The following LIPC variants were observed in gnomAD, a reference collection of about 807,000 sequenced individuals.
LIPC encodes the protein lipase C, hepatic type, also known as hepatic triacylglycerol lipase.
LIPC carries 44 observed loss-of-function variants against 50.7 expected under a neutral mutation model. The ratio of observed to expected loss-of-function variants is 0.87; its 90% CI spans 0.68 to 1.11. The LOEUF is 1.11. Among genes scored for constraint, LIPC ranks in the 50% most tolerant of loss-of-function variants. The probability of loss-of-function intolerance (pLI) is 0.00; values close to 1 mark genes in which losing one functional copy is unlikely to be tolerated. For missense variants in LIPC, 697 were observed against 648.2 expected (o/e 1.08, Z -0.82); for synonymous variants, 271 against 256.4 (o/e 1.06, Z -0.54).
chr15:58,442,471 C>T (rs1331821772), intron 1 of LIPC, among the ~76,000 whole-genome samples: 2 of 152,176 alleles, frequency 1.3e-5, no homozygotes, highest in Non-Finnish European at 2.9e-5. Flanking sequence ...CAGGGCCTGA[C>T]ATGCAGCAGT....
chr15:58,456,499 G>A (rs1221162629), intron 1 of LIPC, among the ~76,000 whole-genome samples: 6 of 152,346 alleles, frequency 3.9e-5, no homozygotes, highest in African/African-American at 1.4e-4. Context: ...CATAGCTAAG[G>A]ACAGGGCACA....
chr15:58,465,221 A>G (rs1446883721), intron 1 of LIPC, among the ~76,000 whole-genome samples: 1 of 152,120 alleles, frequency 6.6e-6, no homozygotes, highest in Non-Finnish European at 1.5e-5. Flanking sequence ...TTCCAATCAG[A>G]ACAACTCATT....
intron 1 of LIPC, among the ~76,000 whole-genome samples, chr15:58,488,475 A>C (rs570006988): frequency 6.6e-6 from 1 of 152,268 alleles, no homozygotes; most frequent in Admixed American, 6.5e-5. Flanking sequence ...TCTCAGGCCT[A>C]TCCTATCTCA....
intron 1 of LIPC, among the ~76,000 whole-genome samples, chr15:58,448,653 G>A (rs987718824): frequency 6.6e-6 from 1 of 152,228 alleles, no homozygotes; most frequent in Non-Finnish European, 1.5e-5. Context: ...CTGGCTAGGA[G>A]CTTCCCTGGA....
At chr15:58,471,848 G>A (rs1463314897) in intron 1 of LIPC, among the ~76,000 whole-genome samples, 5 of 152,124 alleles carry the variant, frequency 3.3e-5, no homozygotes, top group East Asian at 3.9e-4. Flanking sequence ...GTCCAGCCAC[G>A]TGCCCTTTCC....
At chr15:58,555,614 G>A (rs151112386) in intron 6 of LIPC, among the ~76,000 whole-genome samples, 4 of 152,254 alleles carry the variant, frequency 2.6e-5, no homozygotes, top group African/African-American at 4.8e-5. Context: ...ACACTGTGTC[G>A]GTCTAGGTCT....
intron 1 of LIPC, among the ~76,000 whole-genome samples, chr15:58,474,341 A>T (rs1890909017): frequency 6.6e-6 from 1 of 151,874 alleles, no homozygotes; most frequent in Admixed American, 6.6e-5. Context: ...ATATAAAGAG[A>T]CCCCATCTCC....
intron 4 of LIPC, among the ~76,000 whole-genome samples, chr15:58,545,504 T>C (rs1296451707): frequency 1.3e-5 from 2 of 152,224 alleles, no homozygotes; most frequent in Non-Finnish European, 2.9e-5. Context: ...CTGGAGAGTT[T>C]CCGCAAACCT....
At chr15:58,460,270 T>A (rs969215897) in intron 1 of LIPC, among the ~76,000 whole-genome samples, 2 of 152,226 alleles carry the variant, frequency 1.3e-5, no homozygotes, top group African/African-American at 4.8e-5. Flanking sequence ...GTTCTAACTC[T>A]GCAGGAGAAG....
At chr15:58,453,604 G>C (rs1893993148) in intron 1 of LIPC, among the ~76,000 whole-genome samples, 1 of 152,104 alleles carries the variant, frequency 6.6e-6, no homozygotes, top group African/African-American at 2.4e-5. Flanking sequence ...TCTCATTACA[G>C]AGTGTGGGTT....
chr15:58,558,294 A>C (rs1483102132), intron 6 of LIPC, among the ~76,000 whole-genome samples: 1 of 151,866 alleles, frequency 6.6e-6, no homozygotes, highest in Admixed American at 6.6e-5. Context: ...GATGGTCTCA[A>C]TCTCTTGACC....
At chr15:58,443,023 A>C (rs534933) in intron 1 of LIPC, among the ~76,000 whole-genome samples, 126,361 of 152,174 alleles carry the variant, frequency 0.83, 52,549 homozygotes, top group East Asian at 0.93. Flanking sequence ...AGCGATTCTC[A>C]TGCCTCAGCT....
intron 1 of LIPC, among the ~76,000 whole-genome samples, chr15:58,490,573 G>A (rs1891552218): frequency 6.6e-6 from 1 of 152,106 alleles, no homozygotes; most frequent in Non-Finnish European, 1.5e-5. Flanking sequence ...GGCCCGTCAC[G>A]CCAGCACCAC....
chr15:58,483,625 A>G (rs572977012), intron 1 of LIPC, among the ~76,000 whole-genome samples: 72 of 152,332 alleles, frequency 4.7e-4, no homozygotes, highest in African/African-American at 1.6e-3. Context: ...TACAAAGTAG[A>G]AAGATACTTC....
intron 6 of LIPC, among the ~76,000 whole-genome samples, chr15:58,551,733 A>G (rs1300201964): frequency 6.6e-6 from 1 of 152,186 alleles, no homozygotes; most frequent in Non-Finnish European, 1.5e-5. Context: ...CCTACAGAGA[A>G]ACCACAATCC....
intron 1 of LIPC, chr15:58,454,183 C>CA (rs1160398919): frequency 6.6e-6 from 1 of 152,244 alleles, no homozygotes; most frequent in Admixed American, 6.5e-5. Context: ...ACTTGTCTTC[C>CA]AGCTCTGGGT....
At chr15:58,514,594 CGG>C in intron 1 of LIPC, among the ~76,000 whole-genome samples, 1 of 152,108 alleles carries the variant, frequency 6.6e-6, no homozygotes, top group Non-Finnish European at 1.5e-5. Context: ...GAGGCCAAGG[CGG>C]GAGGATCACC....
chr15:58,552,506 T>C (rs1893800633), intron 6 of LIPC, among the ~76,000 whole-genome samples: 1 of 152,078 alleles, frequency 6.6e-6, no homozygotes, highest in African/African-American at 2.4e-5. Flanking sequence ...TCCACTCTTC[T>C]CCTGTCTTCC....
At chr15:58,515,201 T>G (rs1892448340) in intron 1 of LIPC, among the ~76,000 whole-genome samples, 2 of 152,186 alleles carry the variant, frequency 1.3e-5, no homozygotes, top group South Asian at 4.1e-4. Flanking sequence ...CTCAAGATCC[T>G]TACCTTAATC....
Sources: allele counts gnomAD v4.1 joint callset (sites outside exome capture counted in the v4.1 genomes callset), GRCh38; gene constraint gnomAD v4.1.1; transcripts MANE v1.5; gene names NCBI Gene and HGNC (gene_info 2026-07-23, HGNC 2026-07-21).